STARD13: variants seen among roughly 807,000 people sequenced by gnomAD.
The protein encoded by STARD13 is stAR-related lipid transfer protein 13.
STARD13 carries 62 observed loss-of-function variants against 106.4 expected under a neutral mutation model. The observed-to-expected ratio is 0.58, with a 90% CI of 0.48 to 0.72. The LOEUF (loss-of-function observed/expected upper bound fraction) is 0.72. Ranked by LOEUF, STARD13 falls within the 30% of genes least tolerant of loss-of-function variation. The probability of loss-of-function intolerance (pLI) is 0.00; values close to 1 mark genes in which losing one functional copy is unlikely to be tolerated. For missense variants in STARD13, 1,387 were observed against 1,424.0 expected (o/e 0.97, Z 0.42); for synonymous variants, 565 against 553.0 (o/e 1.02, Z -0.31).
At chr13:33,235,980 G>A (rs1300720942) in intron 1 of STARD13, among the ~76,000 whole-genome samples, 2 of 152,140 alleles carry the variant, frequency 1.3e-5, no homozygotes, top group African/African-American at 4.8e-5. Context: ...CCAACTGGGG[G>A]CAAAAAATCC....
At chr13:33,444,938 G>A in the STARD13 span, among the ~76,000 whole-genome samples, 1 of 152,162 alleles carries the variant, frequency 6.6e-6, no homozygotes, top group Admixed American at 6.5e-5. Flanking sequence ...TTATGATAAG[G>A]CTGGATATAA....
In STARD13 at chr13:33,104,349, C is replaced by A. The variant is rs775791741; in HGVS notation, c.*1244G>T. On this transcript the variant is annotated 3_prime_UTR_variant, in exon 14 of 14. Coordinates refer to ENST00000336934, the MANE Select transcript of STARD13 (RefSeq NM_178006.4). Reference sequence around the variant, plus strand: ...TAGCTTGGACTGGCTAGTGAAGAAACACAGAAGAATTAATAAACCCGATTA... The same window carrying A: ...TAGCTTGGACTGGCTAGTGAAGAAAAACAGAAGAATTAATAAACCCGATTA... 1 of 152,556 alleles carries A rather than the reference C, an allele frequency of 6.6e-6. No homozygotes were observed. 9.5% of individuals were successfully genotyped at this position (152,556 alleles called of 1,614,324 possible).
chr13:33,244,470 C>T (rs1889721942), intron 1 of STARD13, among the ~76,000 whole-genome samples: 1 of 152,104 alleles, frequency 6.6e-6, no homozygotes, highest in Non-Finnish European at 1.5e-5. Context: ...TAATTCCTCA[C>T]ATCCCTGTAT....
At chr13:33,387,177 T>C in the STARD13 span, among the ~76,000 whole-genome samples, 4 of 152,170 alleles carry the variant, frequency 2.6e-5, no homozygotes, top group Non-Finnish European at 5.9e-5. Context: ...AGCTAATTTA[T>C]TTTTAGTTTT....
chr13:33,110,223 A>G, intron 11 of STARD13, 133 bp from the exon 12 acceptor site: 1 of 714,146 alleles, frequency 1.4e-6, no homozygotes, highest in South Asian at 1.8e-5. Context: ...GTAAATTGAG[A>G]GTGATACTAC....
chr13:33,169,210 A>G (rs728640), intron 1 of STARD13, among the ~76,000 whole-genome samples: 24,278 of 152,206 alleles, frequency 0.16, 2,536 homozygotes, highest in East Asian at 0.31. Context: ...GAGTTCCACA[A>G]CTGCTGTTCA....
the STARD13 span, among the ~76,000 whole-genome samples, chr13:33,522,771 T>G: frequency 1.3e-5 from 2 of 152,182 alleles, no homozygotes; most frequent in Admixed American, 6.5e-5. Context: ...TTTTGCCCCC[T>G]TGGGCAAGTC....
the STARD13 span, among the ~76,000 whole-genome samples, chr13:33,398,045 C>T: frequency 2.2e-4 from 33 of 152,302 alleles, 1 homozygote; most frequent in Middle Eastern, 6.8e-3. Context: ...GCAAACATAG[C>T]AAATATGTTG....
At chr13:33,592,016 G>A in the STARD13 span, among the ~76,000 whole-genome samples, 2 of 152,102 alleles carry the variant, frequency 1.3e-5, no homozygotes, top group African/African-American at 4.8e-5. Context: ...AAGATCTGTT[G>A]GCAACCTGCT....
At chr13:33,191,576 T>C (rs965300262) in intron 1 of STARD13, among the ~76,000 whole-genome samples, 1 of 152,240 alleles carries the variant, frequency 6.6e-6, no homozygotes, top group African/African-American at 2.4e-5. Context: ...CCAGGCTAAC[T>C]GAATCCAGAA....
chr13:33,632,623 A>C, the STARD13 span, among the ~76,000 whole-genome samples: 4 of 152,160 alleles, frequency 2.6e-5, no homozygotes, highest in Non-Finnish European at 5.9e-5. Flanking sequence ...TATTCACAAA[A>C]TTATCACCAA....
chr13:33,475,891 A>G, the STARD13 span, among the ~76,000 whole-genome samples: 1 of 152,266 alleles, frequency 6.6e-6, no homozygotes, highest in East Asian at 1.9e-4. Flanking sequence ...CAGGAGGTGG[A>G]GGTTGCAGCG....
At chr13:33,646,962 G>A in the STARD13 span, among the ~76,000 whole-genome samples, 1 of 152,012 alleles carries the variant, frequency 6.6e-6, no homozygotes, top group Non-Finnish European at 1.5e-5. Flanking sequence ...TACACATTGG[G>A]TTCTCCTTTT....
chr13:33,396,647 G>A, the STARD13 span, among the ~76,000 whole-genome samples: 1 of 152,012 alleles, frequency 6.6e-6, no homozygotes, highest in Admixed American at 6.6e-5. Context: ...GATTTTTAAC[G>A]ACTGCCCCAA....
At chr13:33,673,083 T>C in the STARD13 span, among the ~76,000 whole-genome samples, 3 of 152,200 alleles carry the variant, frequency 2.0e-5, no homozygotes, top group Admixed American at 6.5e-5. Context: ...CAAATGAAGC[T>C]AGGATGCTAT....
At chr13:33,380,482 C>T in the STARD13 span, among the ~76,000 whole-genome samples, 1 of 131,610 alleles carries the variant, frequency 7.6e-6, no homozygotes, top group Non-Finnish European at 1.6e-5. Context: ...CCCCCCACCC[C>T]CCCCACACAC....
At chr13:33,301,850 G>C (rs1892732320) in intron 1 of STARD13, among the ~76,000 whole-genome samples, 1 of 151,080 alleles carries the variant, frequency 6.6e-6, no homozygotes, top group African/African-American at 2.4e-5. Flanking sequence ...TTACAGGTGT[G>C]AGCCACCGCG....
chr13:33,402,834 T>C, the STARD13 span, among the ~76,000 whole-genome samples: 2 of 152,154 alleles, frequency 1.3e-5, no homozygotes, highest in African/African-American at 4.8e-5. Context: ...CAGGGGAAGA[T>C]CATCCTCCCA....
the STARD13 span, among the ~76,000 whole-genome samples, chr13:33,580,273 C>T: frequency 4.6e-5 from 7 of 151,674 alleles, no homozygotes; most frequent in South Asian, 2.1e-4. Flanking sequence ...TACATACTGC[C>T]GAGTGAAAAA....
Sources: allele counts gnomAD v4.1 joint callset (sites outside exome capture counted in the v4.1 genomes callset), GRCh38; gene constraint gnomAD v4.1.1; transcripts MANE v1.5; gene names NCBI Gene and HGNC (gene_info 2026-07-23, HGNC 2026-07-21).